The following MAN2A2 variants were observed in gnomAD, a reference collection of about 807,000 sequenced individuals.
MAN2A2 encodes the protein mannosidase alpha class 2A member 2, also known as alpha-mannosidase 2x.
MAN2A2 carries 79 observed loss-of-function variants against 126.8 expected under a neutral mutation model. The ratio of observed to expected loss-of-function variants is 0.62; its 90% CI spans 0.52 to 0.75. MAN2A2 has a LOEUF of 0.75. Ranked by LOEUF, MAN2A2 falls within the 30% of genes least tolerant of loss-of-function variation. The probability of loss-of-function intolerance (pLI) is 0.00; values close to 1 mark genes in which losing one functional copy is unlikely to be tolerated. For missense variants in MAN2A2, 1,392 were observed against 1,522.4 expected, an observed-to-expected ratio of 0.91 and a Z score of 1.43; for synonymous variants, 671 against 618.7, an observed-to-expected ratio of 1.08 and a Z score of -1.25.
At chr15:90,916,085 G>A in intron 19 of MAN2A2, 38 bp from the exon 20 acceptor site, 1 of 1,607,372 alleles carries the variant, frequency 6.2e-7, no homozygotes, top group South Asian at 1.1e-5. Flanking sequence ...CCTGCTTGGG[G>A]GTGGGGGCGG....
chr15:90,912,965 A>C lies in MAN2A2; in HGVS notation c.2558A>C (p.Gln853Pro), dbSNP rs200551266. 5.0e-6 allele frequency: 8 copies of C among 1,613,892 alleles called. No individual in the cohort carries two copies. In the East Asian group the frequency reaches 1.8e-4, roughly 36 times the overall value. The stretch of plus-strand genomic sequence containing the variant: ...GTTGCGTACTATGAGCACATTCACC[A>C]GGCGGTCCGGCTTTACAATCTGCCA... The part of the protein sequence containing the change: ...EVVAYYEHIH[Q>P]AVRLYNLPGV... The change falls in exon 17 of 23, where the codon CAG (glutamine) becomes CCG (proline). Residue 853 changes from glutamine (Q) to proline (P), a missense_variant. Physicochemically the swap from Gln to Pro is moderately conservative, Grantham distance 76. Coordinates refer to ENST00000559717, the MANE Select transcript of MAN2A2 (RefSeq NM_006122.4).
intron 8 of MAN2A2, 77 bp downstream of exon 8, chr15:90,907,572 G>A: frequency 7.2e-7 from 1 of 1,398,270 alleles, no homozygotes; most frequent in African/African-American, 1.4e-5. Flanking sequence ...CACGTGGAGG[G>A]TGGGCTCAGG....
chr15:90,910,722 C>G, intron 11 of MAN2A2, 39 bp downstream of exon 11: 2 of 1,610,280 alleles, frequency 1.2e-6, no homozygotes, highest in Non-Finnish European at 1.7e-6. Context: ...CTCCCCTGCT[C>G]ACTGTCCCAA....
Position 90,910,716 on chromosome 15 carries a change from C to T in MAN2A2, c.1760+33C>T, listed in dbSNP as rs748084471. On this transcript the variant is annotated intron_variant, in intron 11 of 22. Coordinates refer to ENST00000559717, the MANE Select transcript of MAN2A2 (RefSeq NM_006122.4). ...CCTTCTCTTTTCCCTTGTAAGCTCC[C>T]CTGCTCACTGTCCCAAAGAAAGGAC... 6.8e-6 allele frequency: 11 copies of T among 1,610,984 alleles called. No individual in the cohort carries two copies. In the African/African-American group the frequency reaches 1.5e-4, roughly 22 times the overall value.
At position 90,911,449 on chromosome 15, in the gene MAN2A2, T is replaced by A. The variant is rs1195596268; in HGVS notation, c.2008T>A (p.Ser670Thr). Residue 670 changes from serine (S) to threonine (T), a missense_variant, in exon 14 of 23, where the codon TCT becomes ACT. Ser to Thr is a moderately conservative substitution (Grantham distance 58). Transcript: ENST00000559717. ...RFSMVSLLVN[S>T]PRVRVLSEEG... ...CAGCATGGTGTCCCTGCTGGTCAACTCTCCCCGCGTGCGTGTCCTTTCGGA... is the reference window on the plus strand; with the variant it reads ...CAGCATGGTGTCCCTGCTGGTCAACACTCCCCGCGTGCGTGTCCTTTCGGA... 6.2e-7 allele frequency: 1 copy of A among 1,614,068 alleles called. No homozygotes were observed. The highest frequency in any genetic ancestry group is 1.3e-5 in the African/African-American group (1 of 74,908).
intron 2 of MAN2A2, 129 bp from the exon 3 acceptor site, chr15:90,905,122 C>G (rs1567114885): frequency 1.0e-6 from 1 of 996,182 alleles, no homozygotes; most frequent in Non-Finnish European, 1.5e-6. Flanking sequence ...ATCTATCCCT[C>G]TAGGCTCATG....
chr15:90,904,825 C>T (rs1032605727), intron 2 of MAN2A2, among the ~76,000 whole-genome samples: 1 of 152,218 alleles, frequency 6.6e-6, no homozygotes, highest in African/African-American at 2.4e-5. Context: ...GAACTCCTGA[C>T]CTCAGGTGAT....
At chr15:90,903,891 C>T in intron 1 of MAN2A2, 2 of 421,692 alleles carry the variant, frequency 4.7e-6, no homozygotes, top group East Asian at 5.4e-5. Context: ...CACCTCCTAT[C>T]TAGGCAGGGA....
Position 90,910,697 on chromosome 15 carries a change from CTT to C in MAN2A2, c.1760+17_1760+18del. 6.2e-7 allele frequency: 1 copy of C among 1,613,092 alleles called. No homozygotes were observed. Among genetic ancestry groups the C allele is most frequent in the Middle Eastern group, 1.7e-4 (1 of 6,060 alleles). On this transcript the variant is annotated intron_variant, in intron 11 of 22. Coordinates refer to ENST00000559717, the MANE Select transcript of MAN2A2 (RefSeq NM_006122.4). ...CTATGGGGTCAGGTGGGAGCCTTCTCTTTTCCCTTGTAAGCTCCCCTGCTCAC... is the reference window on the plus strand; with the variant it reads ...CTATGGGGTCAGGTGGGAGCCTTCTCTTCCCTTGTAAGCTCCCCTGCTCAC...
At chr15:90,917,437 G>A (rs1454069781) in intron 20 of MAN2A2, among the ~76,000 whole-genome samples, 2 of 152,204 alleles carry the variant, frequency 1.3e-5, no homozygotes, top group Non-Finnish European at 2.9e-5. Flanking sequence ...CTGACAGTAC[G>A]GAGCAGGTTG....
chr15:90,913,783 G>C (rs967964643), intron 19 of MAN2A2, 28 bp downstream of exon 19: 1 of 1,563,572 alleles, frequency 6.4e-7, no homozygotes. Context: ...GTTCTGCAGA[G>C]GGTATCAGAC....
chr15:90,907,234 G>A (rs2034368104), intron 7 of MAN2A2, 75 bp from the exon 8 acceptor site: 1 of 1,460,956 alleles, frequency 6.8e-7, no homozygotes, highest in Admixed American at 1.7e-5. Flanking sequence ...GCTGCCTTTA[G>A]CCTGAACAGA....
In MAN2A2 at chr15:90,904,219, A is replaced by G. The variant is rs1278499561; in HGVS notation, c.12A>G (p.Lys4=). The G allele has an allele frequency of 1.5e-5, 24 of 1,614,166 alleles. No individual in the cohort carries two copies. The highest frequency in any genetic ancestry group is 1.9e-5 in the Non-Finnish European group (23 of 1,180,016). ...GTGTGGAGGCCAGTATGAAGCTGAA[A>G]AAGCAGGTGACAGTGTGTGGGGCTG... is the stretch of plus-strand genomic sequence containing the variant. The part of the protein sequence containing the change: MKL[K]KQVTVCGAAI... The change falls in exon 2 of 23, where the codon AAA becomes AAG. Residue 4 remains lysine (K), a synonymous_variant. Transcript: ENST00000559717.
intron 2 of MAN2A2, among the ~76,000 whole-genome samples, chr15:90,904,653 G>T (rs2034119229): frequency 6.6e-6 from 1 of 151,032 alleles, no homozygotes; most frequent in Non-Finnish European, 1.5e-5. Flanking sequence ...GCAGTGGCGC[G>T]ATCTTGGCTC....
intron 8 of MAN2A2, among the ~76,000 whole-genome samples, chr15:90,908,636 T>C (rs28421369): frequency 0.084 from 12,769 of 151,302 alleles, 1,778 homozygotes; most frequent in African/African-American, 0.29. Flanking sequence ...AGTGCGGTGG[T>C]GCAATTTCGG....
At chr15:90,907,971 A>C (rs2034433889) in intron 8 of MAN2A2, among the ~76,000 whole-genome samples, 1 of 152,206 alleles carries the variant, frequency 6.6e-6, no homozygotes, top group Non-Finnish European at 1.5e-5. Context: ...GCCCCGGGGG[A>C]AAGTGTTAGG....
At chr15:90,912,312 G>A in intron 15 of MAN2A2, 33 bp downstream of exon 15, 6 of 1,608,970 alleles carry the variant, frequency 3.7e-6, no homozygotes, top group African/African-American at 1.3e-5. Flanking sequence ...AAGGGCCAGG[G>A]GCCAGAGTAG....
chr15:90,913,533 T>C (rs2034934571), intron 18 of MAN2A2, 81 bp from the exon 19 acceptor site: 2 of 1,565,470 alleles, frequency 1.3e-6, no homozygotes, highest in East Asian at 2.2e-5. Flanking sequence ...CGAAGAGTTA[T>C]CGGGGACTCC....
chr15:90,906,137 G>A, intron 5 of MAN2A2, 121 bp downstream of exon 5: 1 of 1,431,404 alleles, frequency 7.0e-7, no homozygotes, highest in Non-Finnish European at 9.6e-7. Flanking sequence ...CTGTGGAAGA[G>A]ATGAGTGATG....
Sources: gnomAD v4.1 joint callset for allele counts (sites outside exome capture counted in the v4.1 genomes callset) on GRCh38, gnomAD v4.1.1 for gene constraint, MANE v1.5 for transcripts, NCBI Gene and HGNC (gene_info 2026-07-23, HGNC 2026-07-21) for gene names.